ACBD5: variants seen among roughly 807,000 people sequenced by gnomAD.
ACBD5 encodes acyl-CoA binding domain containing 5.
In ACBD5, 40 loss-of-function variants were observed where a neutral mutation model predicts 71.8. The ratio of observed to expected loss-of-function variants is 0.56; its 90% CI spans 0.43 to 0.72. ACBD5 has a LOEUF of 0.72. ACBD5 is among the 30% of genes least tolerant of loss of function. The probability of loss-of-function intolerance (pLI) is 0.00; values close to 1 mark genes in which losing one functional copy is unlikely to be tolerated. For synonymous variants in ACBD5, 229 were observed against 218.6 expected (o/e 1.05, Z -0.42); for missense variants, 559 against 644.5 (o/e 0.87, Z 1.44).
chr10:27,232,387 G>A (rs2063999365), intron 3 of ACBD5: 1 of 147,854 alleles, frequency 6.8e-6, no homozygotes, highest in Non-Finnish European at 1.5e-5. Context: ...GGAGTGCAGT[G>A]GTGTGGTCTT....
intron 4 of ACBD5, among the ~76,000 whole-genome samples, chr10:27,228,816 T>TATATATATATATATATATATATATA (rs71386926): frequency 5.3e-5 from 1 of 18,764 alleles, no homozygotes; most frequent in Non-Finnish European, 1.4e-4. Context: ...TATATATATA[T>TATATATATATATATATATATATATA]TTTTTTTTTT....
At chr10:27,233,121 A>AAAAC (rs1164346339) in intron 3 of ACBD5, among the ~76,000 whole-genome samples, 3 of 152,130 alleles carry the variant, frequency 2.0e-5, no homozygotes, top group Admixed American at 6.6e-5. Context: ...GTGTGGGGAA[A>AAAAC]AAACAAACAA....
chr10:27,214,837 A>C (rs981779861), intron 8 of ACBD5, among the ~76,000 whole-genome samples: 10 of 152,088 alleles, frequency 6.6e-5, no homozygotes, highest in African/African-American at 2.4e-4. Flanking sequence ...ATTGAGGCCA[A>C]GAGTTTGAGA....
chr10:27,230,337 G>A lies in ACBD5; in HGVS notation c.375+1411C>T, dbSNP rs1290594104. The stretch of plus-strand genomic sequence containing the variant: ...GAAAAAAAAAACAAGTCTAAATCTA[G>A]TAATAACAAATAAAAATTACTACAG... On this transcript the variant is annotated intron_variant, in intron 4 of 12. Coordinates refer to ENST00000396271, the MANE Select transcript of ACBD5 (RefSeq NM_145698.5). Among the ~76,000 whole-genome samples, 3 of 151,638 alleles carry A rather than the reference G, an allele frequency of 2.0e-5. No homozygotes were observed. In the East Asian group the frequency reaches 5.8e-4, roughly 29 times the overall value.
At chr10:27,188,569 C>T (rs1030787377) in intron 13 of ACBD5, among the ~76,000 whole-genome samples, 5 of 152,142 alleles carry the variant, frequency 3.3e-5, no homozygotes, top group East Asian at 1.9e-4. Context: ...ACTGAATAAT[C>T]GGGGAAATGT....
intron 7 of ACBD5, 52 bp downstream of exon 7, chr10:27,217,926 TAA>T: frequency 2.0e-6 from 3 of 1,490,852 alleles, no homozygotes; most frequent in Non-Finnish European, 2.8e-6. Flanking sequence ...CTATAATTAC[TAA>T]AAGACTATTC....
intron 10 of ACBD5, among the ~76,000 whole-genome samples, chr10:27,207,362 T>C (rs761308206): frequency 3.3e-5 from 5 of 152,090 alleles, no homozygotes; most frequent in South Asian, 2.1e-4. Flanking sequence ...AAAAACATGA[T>C]AGCTTGAGTA....
intron 5 of ACBD5, chr10:27,223,072 T>G: frequency 1.5e-6 from 1 of 651,494 alleles, no homozygotes. Flanking sequence ...TTATAATGTT[T>G]TGGAACTTCA....
intron 12 of ACBD5, among the ~76,000 whole-genome samples, chr10:27,201,888 T>C (rs1260054878): frequency 6.6e-6 from 1 of 152,222 alleles, no homozygotes; most frequent in Non-Finnish European, 1.5e-5. Context: ...TGAAAGCTTT[T>C]CCATGTCTTA....
chr10:27,210,673 A>C, intron 9 of ACBD5, 141 bp downstream of exon 9: 1 of 1,075,814 alleles, frequency 9.3e-7, no homozygotes, highest in Non-Finnish European at 1.4e-6. Context: ...CAGGAGAATC[A>C]CTTGAACCCG....
At chr10:27,191,370 T>C (rs1482706891), downstream of ACBD5, among the ~76,000 whole-genome samples, 7 of 152,116 alleles carry the variant, frequency 4.6e-5, no homozygotes, top group African/African-American at 1.7e-4. Context: ...GATATAATGG[T>C]GGATACATAT....
At chr10:27,225,074 TTTC>T (rs1196784728) in intron 4 of ACBD5, among the ~76,000 whole-genome samples, 3 of 84,934 alleles carry the variant, frequency 3.5e-5, no homozygotes, top group Non-Finnish European at 7.6e-5. Flanking sequence ...TCTCGCTCTC[TTTC>T]TTTTTTTTTT....
intron 3 of ACBD5, among the ~76,000 whole-genome samples, chr10:27,232,554 C>T (rs2064032602): frequency 6.6e-6 from 1 of 152,084 alleles, no homozygotes; most frequent in Non-Finnish European, 1.5e-5. Flanking sequence ...TCTCGAACTC[C>T]TAACCTCATG....
At chr10:27,211,549 G>T (rs1297637249) in intron 8 of ACBD5, among the ~76,000 whole-genome samples, 1 of 152,076 alleles carries the variant, frequency 6.6e-6, no homozygotes, top group Non-Finnish European at 1.5e-5. Context: ...TCAATCTCCT[G>T]GCCTCATGAT....
At chr10:27,216,844 C>T (rs891914572) in intron 7 of ACBD5, among the ~76,000 whole-genome samples, 2 of 151,936 alleles carry the variant, frequency 1.3e-5, no homozygotes, top group Admixed American at 6.6e-5. Context: ...TTGGTTCTTA[C>T]ATTACGAAAT....
Position 27,240,227 on chromosome 10 carries a change from A to T in ACBD5, c.181+92T>A. On this transcript the variant is annotated intron_variant, in intron 2 of 12. Transcript: ENST00000396271. The surrounding 1 kb of genome is among the most constrained non-coding windows in gnomAD (Gnocchi z 4.1). ...CTACATGGCTCCTACACAGAAAAAAAGGCTAAATAAACAACACTAGAACCA... is the reference window on the plus strand; with the variant it reads ...CTACATGGCTCCTACACAGAAAAAATGGCTAAATAAACAACACTAGAACCA... 6.2e-7 allele frequency: 1 copy of T among 1,601,464 alleles called. No homozygotes were observed. Among genetic ancestry groups the T allele is most frequent in the South Asian group, 1.1e-5 (1 of 90,412 alleles).
chr10:27,197,979 T>A (rs540573665), intron 12 of ACBD5, among the ~76,000 whole-genome samples: 31 of 152,318 alleles, frequency 2.0e-4, no homozygotes, highest in African/African-American at 7.5e-4. Context: ...TCATCCTCTC[T>A]TACTTTCTAG....
chr10:27,231,066 A>G (rs1340784505), intron 4 of ACBD5, among the ~76,000 whole-genome samples: 1 of 152,212 alleles, frequency 6.6e-6, no homozygotes, highest in Non-Finnish European at 1.5e-5. Context: ...GCATGAGAAC[A>G]TTGTTGAACT....
chr10:27,216,636 A>G (rs1296771370), intron 7 of ACBD5, among the ~76,000 whole-genome samples: 1 of 152,180 alleles, frequency 6.6e-6, no homozygotes, highest in Admixed American at 6.5e-5. Flanking sequence ...GACGAATTTG[A>G]TTTATCAAGC....
Sources: allele counts gnomAD v4.1 joint callset (sites outside exome capture counted in the v4.1 genomes callset), GRCh38; gene constraint gnomAD v4.1.1; non-coding constraint Gnocchi (gnomAD v3.1); transcripts MANE v1.5; gene names NCBI Gene and HGNC (gene_info 2026-07-23, HGNC 2026-07-21).